The following FMR1NB variants were observed in gnomAD, a reference collection of about 807,000 sequenced individuals.
FMR1NB encodes FMR1 neighbor protein.
A neutral mutation model predicts 16.8 loss-of-function variants in FMR1NB; 10 were observed. The ratio of observed to expected loss-of-function variants is 0.60; its 90% CI spans 0.37 to 1.01. FMR1NB has a LOEUF of 1.01. Among genes scored for constraint, FMR1NB ranks in the 50% least tolerant of loss-of-function variants. FMR1NB has a pLI of 0.01. For synonymous variants in FMR1NB, 83 were observed against 79.1 expected (o/e 1.05, Z -0.26); for missense variants, 205 against 204.8 (o/e 1.00, Z 0.00).
chrX:147,992,636 C>G (rs1250787484), intron 1 of FMR1NB, among the ~76,000 whole-genome samples: 1,103 of 17,966 alleles, frequency 0.061, 72 homozygotes, highest in Non-Finnish European at 0.081. Context: ...AGCTGCCGGG[C>G]GGAGGGGCTC....
rs551335374 is a variant in FMR1NB at position 147,995,989 on chromosome X, A to G, written c.278-7212A>G. Among the ~76,000 whole-genome samples, 31 of 111,772 alleles carry G rather than the reference A, an allele frequency of 2.8e-4. 1 individual carries two copies. The South Asian group carries it at 0.012, about 42-fold the overall frequency. ...GTTATCTTATCGAAAAAATGAAGAA[A>G]TTTCACTAGGTGGGCATTTTTCCTG... On this transcript the variant is annotated intron_variant, in intron 1 of 5. Coordinates refer to ENST00000370467, the MANE Select transcript of FMR1NB (RefSeq NM_152578.3).
At chrX:147,984,893 C>T (rs782310145) in intron 1 of FMR1NB, among the ~76,000 whole-genome samples, 6 of 111,782 alleles carry the variant, frequency 5.4e-5, no homozygotes, top group South Asian at 3.7e-4. Context: ...GATTTTATTA[C>T]GACAGGGTTT....
At chrX:148,007,571 G>A (rs1256329730) in intron 3 of FMR1NB, among the ~76,000 whole-genome samples, 1 of 112,118 alleles carries the variant, frequency 8.9e-6, no homozygotes, top group Admixed American at 9.5e-5. Context: ...ATTTATAGGT[G>A]TGAGCCACCA....
At chrX:148,019,552 G>C (rs1314529255) in intron 4 of FMR1NB, among the ~76,000 whole-genome samples, 3 of 111,493 alleles carry the variant, frequency 2.7e-5, no homozygotes, top group Non-Finnish European at 3.8e-5. Context: ...TCTTTCTTCG[G>C]ACAGCTTTCC....
rs781929709 is a variant in FMR1NB, at chrX:147,981,498, G to A, written c.96G>A (p.Ala32=). 9.9e-6 allele frequency: 12 copies of A among 1,211,848 alleles called. No individual in the cohort carries two copies. Among genetic ancestry groups the A allele is most frequent in the Admixed American group, 6.5e-5 (3 of 46,078 alleles). The stretch of plus-strand genomic sequence containing the variant: ...TAGAGCTGGCAACTTATGAGTTGGC[G>A]GCAACTGAGTCGAATCCCGAGAGCA... ...AHLELATYEL[A]ATESNPESSH... is the part of the protein sequence containing the mutation. Residue 32 remains alanine, a synonymous_variant, in exon 1 of 6, where the codon GCG becomes GCA. Transcript: ENST00000370467.
intron 3 of FMR1NB, among the ~76,000 whole-genome samples, chrX:148,007,299 T>G (rs2044601698): frequency 8.9e-6 from 1 of 111,909 alleles, no homozygotes; most frequent in Non-Finnish European, 1.9e-5. Context: ...TTATTGGGTA[T>G]TTTTTGAGAT....
In FMR1NB at chrX:147,981,340, G is replaced by A. The variant is rs1376916144; in HGVS notation, c.-63G>A. 1 of 1,161,426 alleles carries A rather than the reference G, an allele frequency of 8.6e-7. No homozygotes were observed. The highest frequency in any genetic ancestry group is 2.4e-5 in the Admixed American group (1 of 41,497). Reference sequence around the variant, plus strand: ...CCACGGACTGCCCCGGAAGCTTCTGGGCCACGGACTGCCGGACCGTTGGGC... The same window carrying A: ...CCACGGACTGCCCCGGAAGCTTCTGAGCCACGGACTGCCGGACCGTTGGGC... On this transcript the variant is annotated 5_prime_UTR_variant, in exon 1 of 6. Coordinates refer to ENST00000370467, the MANE Select transcript of FMR1NB (RefSeq NM_152578.3).
chrX:147,996,596 G>A (rs1330447392), intron 1 of FMR1NB, among the ~76,000 whole-genome samples: 2 of 110,204 alleles, frequency 1.8e-5, no homozygotes, highest in African/African-American at 3.3e-5. Flanking sequence ...GGATGGGGGG[G>A]GCGGGGGCAA....
chrX:147,985,427 T>G (rs1312300131), intron 1 of FMR1NB, among the ~76,000 whole-genome samples: 1 of 111,327 alleles, frequency 9.0e-6, no homozygotes, highest in African/African-American at 3.3e-5. Flanking sequence ...ACCTGTCAAC[T>G]AGGTTTTAAG....
At chrX:147,988,856 C>A (rs1340671555) in intron 1 of FMR1NB, among the ~76,000 whole-genome samples, 4 of 111,580 alleles carry the variant, frequency 3.6e-5, no homozygotes, top group Non-Finnish European at 7.5e-5. Context: ...TCAGCTCCAT[C>A]AGTTCATTTA....
At chrX:147,997,994 A>G (rs782629980) in intron 1 of FMR1NB, among the ~76,000 whole-genome samples, 2 of 112,804 alleles carry the variant, frequency 1.8e-5, no homozygotes, top group South Asian at 3.6e-4. Flanking sequence ...GAACGCTTTT[A>G]CACTGTTGAT....
intron 4 of FMR1NB, among the ~76,000 whole-genome samples, chrX:148,021,048 C>T (rs1302508800): frequency 8.9e-6 from 1 of 112,157 alleles, no homozygotes; most frequent in African/African-American, 3.2e-5. Flanking sequence ...AGTGGCAAGG[C>T]TTGCCAGATT....
intron 4 of FMR1NB, among the ~76,000 whole-genome samples, chrX:148,022,415 T>A (rs1569546801): frequency 8.9e-6 from 1 of 112,263 alleles, no homozygotes. Flanking sequence ...CCCTTCTAAA[T>A]TTTAAGCTCC....
At chrX:148,024,702 C>G (rs1557190865) in intron 4 of FMR1NB, among the ~76,000 whole-genome samples, 163 bp from the exon 5 acceptor site, 1 of 111,822 alleles carries the variant, frequency 8.9e-6, no homozygotes, top group Admixed American at 9.5e-5. Flanking sequence ...TATGAGCAAG[C>G]CAAGTGGAAT....
At chrX:148,001,864 T>C (rs950904474) in intron 1 of FMR1NB, among the ~76,000 whole-genome samples, 1 of 108,909 alleles carries the variant, frequency 9.2e-6, no homozygotes, top group Non-Finnish European at 1.9e-5. Flanking sequence ...ACTATAAGGA[T>C]ATAGTAAGGA....
At chrX:147,990,663 A>C (rs1380291446) in intron 1 of FMR1NB, among the ~76,000 whole-genome samples, 1 of 111,507 alleles carries the variant, frequency 9.0e-6, no homozygotes, top group Admixed American at 9.5e-5. Flanking sequence ...ATTAACTATA[A>C]TTTCTCTGTT....
At chrX:147,989,247 C>A (rs1435890071) in intron 1 of FMR1NB, among the ~76,000 whole-genome samples, 1 of 112,308 alleles carries the variant, frequency 8.9e-6, no homozygotes, top group East Asian at 2.8e-4. Flanking sequence ...TTTCTTCTAA[C>A]AGTCAGGCCC....
intron 4 of FMR1NB, among the ~76,000 whole-genome samples, chrX:148,021,581 G>A (rs1455370540): frequency 9.1e-6 from 1 of 110,360 alleles, no homozygotes; most frequent in Non-Finnish European, 1.9e-5. Context: ...TTTCTTCAAT[G>A]ATGTATGTTT....
At chrX:147,983,367 T>C (rs1557186826) in intron 1 of FMR1NB, among the ~76,000 whole-genome samples, 2 of 112,212 alleles carry the variant, frequency 1.8e-5, no homozygotes, top group Admixed American at 1.9e-4. Context: ...CTAACAATGT[T>C]TGAAGGTTTC....
Sources: gnomAD v4.1 joint callset for allele counts (sites outside exome capture counted in the v4.1 genomes callset) on GRCh38, gnomAD v4.1.1 for gene constraint, MANE v1.5 for transcripts, NCBI Gene and HGNC (gene_info 2026-07-23, HGNC 2026-07-21) for gene names.